The following VPS36 variants were observed in gnomAD, a reference collection of about 807,000 sequenced individuals.
The protein encoded by VPS36 is vacuolar protein-sorting-associated protein 36.
A neutral mutation model predicts 63.5 loss-of-function variants in VPS36; 31 were observed. That is an observed-to-expected ratio of 0.49 (90% CI 0.37 to 0.66). The LOEUF is 0.66. VPS36 is among the 30% of genes least tolerant of loss of function. The probability of loss-of-function intolerance (pLI) is 0.00; values close to 1 mark genes in which losing one functional copy is unlikely to be tolerated. For synonymous variants in VPS36, 138 were observed against 157.2 expected (o/e 0.88, Z 0.91); for missense variants, 338 against 463.7 (o/e 0.73, Z 2.49).
At chr13:52,430,975 T>C (rs1322140991) in intron 6 of VPS36, among the ~76,000 whole-genome samples, 1 of 151,226 alleles carries the variant, frequency 6.6e-6, no homozygotes, top group Non-Finnish European at 1.5e-5. Context: ...CCAAGAAAAC[T>C]GACCTTCATG....
intron 6 of VPS36, among the ~76,000 whole-genome samples, chr13:52,427,716 A>G (rs1318004682): frequency 6.6e-6 from 1 of 152,198 alleles, no homozygotes; most frequent in African/African-American, 2.4e-5. Context: ...CTAAAAAACC[A>G]TACATTTTCC....
chr13:52,414,728 GA>G lies in VPS36; in HGVS notation c.*1101del, dbSNP rs1957978380. 1 of 152,230 alleles carries G rather than the reference GA, an allele frequency of 6.6e-6. No individual in the cohort carries two copies. Among genetic ancestry groups the G allele is most frequent in the Non-Finnish European group, 1.5e-5 (1 of 68,052 alleles). 9.4% of individuals were successfully genotyped at this position (152,230 alleles called of 1,614,324 possible). A position where few individuals can be genotyped will look rare whatever the true frequency, so the allele number is the denominator to read the frequency against. On this transcript the variant is annotated 3_prime_UTR_variant, in exon 14 of 14. Transcript: ENST00000378060. ...CCCTTTCACTTCCAACTCAGTTTCA[GA>G]AAGGGTGTCTCCTGTCCTGTGGGGT...
intron 2 of VPS36, among the ~76,000 whole-genome samples, chr13:52,439,571 G>A (rs1215958485): frequency 1.3e-5 from 2 of 151,876 alleles, no homozygotes; most frequent in Non-Finnish European, 2.9e-5. Flanking sequence ...TCAGCCTCCC[G>A]AGTAGCTGGG....
At chr13:52,436,652 T>C (rs1958221799) in intron 3 of VPS36, among the ~76,000 whole-genome samples, 1 of 152,118 alleles carries the variant, frequency 6.6e-6, no homozygotes, top group Admixed American at 6.6e-5. Flanking sequence ...TAGATTAGAG[T>C]GTGACTTTAG....
At chr13:52,416,175 A>G in intron 12 of VPS36, 82 bp from the exon 13 acceptor site, 1 of 1,322,800 alleles carries the variant, frequency 7.6e-7, no homozygotes, top group Non-Finnish European at 1.1e-6. Context: ...AATGGTAGGC[A>G]GAATGTATAC....
intron 2 of VPS36, among the ~76,000 whole-genome samples, chr13:52,441,827 G>A (rs1255401316): frequency 1.3e-5 from 2 of 152,190 alleles, no homozygotes; most frequent in Non-Finnish European, 1.5e-5. Context: ...CTAGGTAAAA[G>A]CATGCACTTG....
intron 6 of VPS36, 54 bp from the exon 7 acceptor site, chr13:52,427,273 T>C: frequency 1.9e-6 from 3 of 1,580,086 alleles, no homozygotes; most frequent in Non-Finnish European, 2.6e-6. Context: ...TAAAATGACT[T>C]AAAAAAATGA....
chr13:52,424,506 A>T (rs1958076860), intron 9 of VPS36, among the ~76,000 whole-genome samples: 1 of 152,234 alleles, frequency 6.6e-6, no homozygotes, highest in Non-Finnish European at 1.5e-5. Flanking sequence ...GGAAATACAT[A>T]GGACCAGAAA....
At chr13:52,444,969 C>T (rs564334680) in intron 1 of VPS36, among the ~76,000 whole-genome samples, 69 of 152,296 alleles carry the variant, frequency 4.5e-4, no homozygotes, top group African/African-American at 1.5e-3. Flanking sequence ...CACTTCTTGA[C>T]ATACATTTTA....
At chr13:52,429,340 G>C in intron 6 of VPS36, 1 of 973,604 alleles carries the variant, frequency 1.0e-6, no homozygotes, top group Non-Finnish European at 1.2e-6. Context: ...CCTTTTCCTG[G>C]GTTCTTCTTA....
intron 6 of VPS36, among the ~76,000 whole-genome samples, chr13:52,427,538 C>T (rs1371321798): frequency 6.6e-6 from 1 of 151,492 alleles, no homozygotes; most frequent in Non-Finnish European, 1.5e-5. Context: ...ACCCAGGAGG[C>T]GGAGCTTGCG....
intron 6 of VPS36, among the ~76,000 whole-genome samples, chr13:52,432,350 C>CA (rs1280038736): frequency 4.6e-5 from 7 of 151,318 alleles, no homozygotes; most frequent in Non-Finnish European, 4.4e-5. Flanking sequence ...GACTCTGTCT[C>CA]AAAAAACAAA....
At chr13:52,420,989 C>CA (rs1958040085) in intron 10 of VPS36, among the ~76,000 whole-genome samples, 1 of 152,042 alleles carries the variant, frequency 6.6e-6, no homozygotes, top group African/African-American at 2.4e-5. Flanking sequence ...GGTGTGGTGG[C>CA]ACACGGCTGT....
chr13:52,431,049 C>A (rs1229573785), intron 6 of VPS36, among the ~76,000 whole-genome samples: 1 of 151,788 alleles, frequency 6.6e-6, no homozygotes, highest in African/African-American at 2.4e-5. Flanking sequence ...CCTTAAAAAT[C>A]TACTACAGAA....
chr13:52,421,591 G>A (rs1045282249), intron 10 of VPS36, among the ~76,000 whole-genome samples: 2 of 142,920 alleles, frequency 1.4e-5, no homozygotes, highest in African/African-American at 2.6e-5. Flanking sequence ...GCGCAATCTC[G>A]GCTCACTGCA....
In VPS36 at chr13:52,417,134, C is replaced by T; in HGVS notation, c.913G>A (p.Val305Met). 6.2e-7 allele frequency: 1 copy of T among 1,613,990 alleles called. No homozygotes were observed. ...ATTACCATGACGCCACTGTCAAACA[C>T]ACGGAGCCTGAAAACCACAGGTGCG... is the stretch of plus-strand genomic sequence containing the variant. Reference protein sequence around the residue: ...EALKLPLRLRVFDSGVMVIEL... With the variant: ...EALKLPLRLRMFDSGVMVIEL... Residue 305 changes from valine (V) to methionine (M), a missense_variant, in exon 12 of 14, where the codon GTG (valine) becomes ATG (methionine). Physicochemically the swap from Val to Met is conservative, Grantham distance 21. Transcript: ENST00000378060.
At chr13:52,442,271 G>T (rs559727444) in intron 2 of VPS36, 106 bp downstream of exon 2, 1 of 988,146 alleles carries the variant, frequency 1.0e-6, no homozygotes, top group Non-Finnish European at 1.4e-6. Flanking sequence ...AGAATCACTT[G>T]AGCCCAGAGG....
chr13:52,433,794 G>T (rs752333842), intron 5 of VPS36, 46 bp from the exon 6 acceptor site: 2 of 1,540,800 alleles, frequency 1.3e-6, no homozygotes, highest in Admixed American at 2.0e-5. Flanking sequence ...AAATAGGAAG[G>T]AAACAAAATC....
chr13:52,426,136 A>T, intron 8 of VPS36, 70 bp from the exon 9 acceptor site: 1 of 1,568,860 alleles, frequency 6.4e-7, no homozygotes, highest in Non-Finnish European at 8.7e-7. Context: ...TCCATCACAA[A>T]TTCAATTCCA....
Sources: allele counts gnomAD v4.1 joint callset (sites outside exome capture counted in the v4.1 genomes callset), GRCh38; gene constraint gnomAD v4.1.1; transcripts MANE v1.5; gene names NCBI Gene and HGNC (gene_info 2026-07-23, HGNC 2026-07-21).